The following COPE variants were observed in gnomAD, a reference collection of about 807,000 sequenced individuals.
The protein encoded by COPE is coatomer subunit epsilon.
COPE carries 19 observed loss-of-function variants against 42.1 expected under a neutral mutation model. That is an observed-to-expected ratio of 0.45 (90% CI 0.31 to 0.66). COPE has a LOEUF of 0.66. COPE is among the 30% of genes least tolerant of loss of function. COPE has a pLI of 0.05. For synonymous variants in COPE, 195 were observed against 181.3 expected, an observed-to-expected ratio of 1.08 and a Z score of -0.60; for missense variants, 402 against 416.1, an observed-to-expected ratio of 0.97 and a Z score of 0.30.
chr19:18,902,781 G>GA (rs1199869724), intron 7 of COPE, among the ~76,000 whole-genome samples: 1,742 of 25,520 alleles, frequency 0.068, 470 homozygotes, highest in African/African-American at 0.13. Context: ...AAGAAGGAAG[G>GA]AAGGAAGGAA....
chr19:18,919,100 G>A (rs566174165), intron 1 of COPE, 123 bp downstream of exon 1: 18 of 955,190 alleles, frequency 1.9e-5, no homozygotes, highest in African/African-American at 1.5e-4. Flanking sequence ...AACTGTGGAA[G>A]AGGTGGCCCA....
At chr19:18,918,924 T>C (rs1383578444) in intron 1 of COPE, among the ~76,000 whole-genome samples, 1 of 152,152 alleles carries the variant, frequency 6.6e-6, no homozygotes, top group African/African-American at 2.4e-5. Flanking sequence ...TCACGGGAAC[T>C]GAAGGTATGG....
chr19:18,899,981 C>T lies in COPE; in HGVS notation c.805-34G>A, dbSNP rs772458730. 1.7e-5 allele frequency: 27 copies of T among 1,594,324 alleles called. No homozygotes were observed. The Admixed American group carries it at 3.0e-4, about 18-fold the overall frequency. On this transcript the variant is annotated intron_variant, in intron 8 of 9. Coordinates refer to ENST00000262812, the MANE Select transcript of COPE (RefSeq NM_007263.4). Reference sequence around the variant, plus strand: ...GAGGCAGGGAGGCAGGTGAGCCGAACACGGGGACCCCACGGTGGCTCTGAC... The same window carrying T: ...GAGGCAGGGAGGCAGGTGAGCCGAATACGGGGACCCCACGGTGGCTCTGAC...
At chr19:18,914,755 CTTTTTTT>C (rs749395912) in intron 1 of COPE, among the ~76,000 whole-genome samples, 1 of 121,870 alleles carries the variant, frequency 8.2e-6, no homozygotes, top group South Asian at 2.8e-4. Context: ...AAAGCATAGT[CTTTTTTT>C]TTTTTTTTTT....
intron 3 of COPE, 153 bp downstream of exon 3, chr19:18,910,816 CTG>C: frequency 9.1e-6 from 6 of 657,404 alleles, no homozygotes; most frequent in Non-Finnish European, 1.3e-5. Context: ...GTGAGGGAAA[CTG>C]AGGCACAAAG....
At chr19:18,914,678 T>C (rs2056838805) in intron 1 of COPE, among the ~76,000 whole-genome samples, 1 of 151,732 alleles carries the variant, frequency 6.6e-6, no homozygotes. Flanking sequence ...ACCCAGTGCT[T>C]TGGGAGGCCA....
intron 8 of COPE, among the ~76,000 whole-genome samples, 179 bp downstream of exon 8, chr19:18,900,202 C>T (rs753664409): frequency 1.3e-5 from 2 of 151,460 alleles, no homozygotes; most frequent in Admixed American, 6.6e-5. Flanking sequence ...GGGAGCAGGT[C>T]GGGCAGGGCC....
chr19:18,904,613 T>A (rs567342536), intron 6 of COPE, among the ~76,000 whole-genome samples, 158 bp downstream of exon 6: 2 of 152,322 alleles, frequency 1.3e-5, no homozygotes, highest in South Asian at 4.1e-4. Context: ...AAGCCCGGAA[T>A]GGAGTCAAGG....
At chr19:18,918,906 T>C (rs1601242255) in intron 1 of COPE, among the ~76,000 whole-genome samples, 1 of 152,228 alleles carries the variant, frequency 6.6e-6, no homozygotes, top group East Asian at 1.9e-4. Flanking sequence ...TAAGCAACAG[T>C]CTCCATCTCA....
rs781700062 is a variant in COPE, at chr19:18,903,346, G to C, written c.657C>G (p.Leu219=). ...CCATGTGGCAGGCCGCCTGCCCATT[G>C]AGCAGCAGCAGGGTGGGCGAGCACT... The part of the protein sequence containing the change: ...ADKCSPTLLL[L]NGQAACHMAQ... The change falls in exon 7 of 10, where the codon CTC becomes CTG. Residue 219 remains leucine (L), a synonymous_variant. Coordinates refer to ENST00000262812, the MANE Select transcript of COPE (RefSeq NM_007263.4). The C allele has an allele frequency of 1.2e-6, 2 of 1,612,744 alleles. No individual in the cohort carries two copies. The highest frequency in any genetic ancestry group is 1.7e-5 in the Admixed American group (1 of 59,948).
intron 3 of COPE, among the ~76,000 whole-genome samples, chr19:18,909,928 A>G (rs1281650627): frequency 6.6e-6 from 1 of 152,084 alleles, no homozygotes; most frequent in Non-Finnish European, 1.5e-5. Context: ...TTTCCAAATG[A>G]TATCATATTC....
chr19:18,907,145 G>C (rs1366317893), intron 3 of COPE, 33 bp from the exon 4 acceptor site: 2 of 1,599,828 alleles, frequency 1.3e-6, no homozygotes, highest in South Asian at 2.2e-5. Context: ...ACCCACAGCT[G>C]GGGTGGCCTC....
chr19:18,912,874 T>A (rs1264435538), intron 2 of COPE, 110 bp downstream of exon 2: 1 of 1,013,876 alleles, frequency 9.9e-7, no homozygotes, highest in Middle Eastern at 2.2e-4. Flanking sequence ...CAGGCCTGGG[T>A]CCCTGCTTTG....
At position 18,905,917 on chromosome 19, in the gene COPE, C is replaced by T. The variant is rs770403844; in HGVS notation, c.444-288G>A. ...TGGGCTGTGCTTCCAGATGGAGGGCCCTGCCCGGACTCGACACCCTGGAGG... is the reference window on the plus strand; with the variant it reads ...TGGGCTGTGCTTCCAGATGGAGGGCTCTGCCCGGACTCGACACCCTGGAGG... On this transcript the variant is annotated intron_variant, in intron 4 of 9. Transcript: ENST00000262812. 9.8e-5 allele frequency: 52 copies of T among 529,386 alleles called. 2 individuals carry two copies. In the South Asian group the frequency reaches 1.4e-3, roughly 14 times the overall value. The allele number at this position is 529,386 out of a possible 1,614,324, so 32.8% of individuals were successfully genotyped here.
intron 1 of COPE, among the ~76,000 whole-genome samples, chr19:18,913,920 C>T (rs146579364): frequency 2.6e-5 from 4 of 152,256 alleles, no homozygotes; most frequent in South Asian, 2.1e-4. Context: ...CCTCTGAAGC[C>T]GAGAACCACA....
At chr19:18,911,192 C>A in intron 2 of COPE, 121 bp from the exon 3 acceptor site, 2 of 818,182 alleles carry the variant, frequency 2.4e-6, no homozygotes, top group Non-Finnish European at 2.1e-6. Context: ...CTCAGCCCAG[C>A]ATGGGCCACC....
chr19:18,903,886 G>A (rs951942036), intron 6 of COPE, among the ~76,000 whole-genome samples: 26 of 152,364 alleles, frequency 1.7e-4, no homozygotes, highest in African/African-American at 5.0e-4. Context: ...TAGGTCTGCC[G>A]GGGCCTGTCC....
chr19:18,914,798 C>G (rs370586158), intron 1 of COPE, among the ~76,000 whole-genome samples: 619 of 149,498 alleles, frequency 4.1e-3, no homozygotes, highest in Middle Eastern at 6.8e-3. Flanking sequence ...CTCTGTCACC[C>G]AGGTTGGAGT....
intron 8 of COPE, 29 bp downstream of exon 8, chr19:18,900,352 G>C (rs2056686281): frequency 6.5e-7 from 1 of 1,534,062 alleles, no homozygotes; most frequent in Non-Finnish European, 8.8e-7. Flanking sequence ...GGACATTAGG[G>C]TTGGCCTGGA....
Sources: allele counts gnomAD v4.1 joint callset (sites outside exome capture counted in the v4.1 genomes callset), GRCh38; gene constraint gnomAD v4.1.1; transcripts MANE v1.5; gene names NCBI Gene and HGNC (gene_info 2026-07-23, HGNC 2026-07-21).